Variants in C3orf70 observed in about 807,000 individuals in gnomAD.
The protein encoded by C3orf70 is chromosome 3 open reading frame 70.
C3orf70 carries 15 observed loss-of-function variants against 20.7 expected under a neutral mutation model. The ratio of observed to expected loss-of-function variants is 0.72; its 90% confidence interval spans 0.48 to 1.11. C3orf70 has a LOEUF of 1.11. Among genes scored for constraint, C3orf70 ranks in the 50% most tolerant of loss-of-function variants. The pLI, the probability that C3orf70 is intolerant of heterozygous loss-of-function variation, is 0.00. For missense variants in C3orf70, 332 were observed against 317.6 expected (o/e 1.05, Z -0.34); for synonymous variants, 161 against 125.7 (o/e 1.28, Z -1.88).
Position 185,095,990 on chromosome 3 carries a change from C to G in C3orf70, c.197-12427G>C, listed in dbSNP as rs986969597. On this transcript the variant is annotated intron_variant, in intron 1 of 1. Coordinates refer to ENST00000335012, the MANE Select transcript of C3orf70 (RefSeq NM_001025266.3). ...GACCTCATGATCCTCCTGCCTCGGC[C>G]TCCCAAAGTGCTGGGATTACAGGCG... Among the ~76,000 whole-genome samples the G allele has an allele frequency of 1.4e-4, 22 of 152,214 alleles. 1 individual carries two copies. The highest frequency in any genetic ancestry group is 4.3e-4 in the African/African-American group (18 of 41,520).
intron 1 of C3orf70, 80 bp downstream of exon 1, chr3:185,152,548 A>G: frequency 2.3e-6 from 3 of 1,297,492 alleles, no homozygotes; most frequent in Admixed American, 5.7e-5. Flanking sequence ...GCGGCCGCAG[A>G]GTTCCGGCAG....
intron 1 of C3orf70, among the ~76,000 whole-genome samples, chr3:185,087,285 AG>A (rs1385282200): frequency 6.6e-6 from 1 of 152,234 alleles, no homozygotes; most frequent in African/African-American, 2.4e-5. Context: ...AGAGAGCAAA[AG>A]GAGCATCAGT....
chr3:185,134,627 C>T (rs2108603605), intron 1 of C3orf70, among the ~76,000 whole-genome samples: 1 of 152,164 alleles, frequency 6.6e-6, no homozygotes, highest in African/African-American at 2.4e-5. Flanking sequence ...GAAGGAGCAA[C>T]CTAAAATGAC....
At position 185,079,047 on chromosome 3, in the gene C3orf70, C is replaced by G. The variant is rs993942644; in HGVS notation, c.*3960G>C. 2 of 151,938 alleles carry G rather than the reference C, an allele frequency of 1.3e-5. No individual in the cohort carries two copies. The highest frequency in any genetic ancestry group is 2.9e-5 in the Non-Finnish European group (2 of 68,012). 9.4% of individuals were successfully genotyped at this position (151,938 alleles called of 1,614,324 possible). A position where few individuals can be genotyped will look rare whatever the true frequency, so the allele number is the denominator to read the frequency against. ...CTGCAATCCCAGCACTTTGGGAAGC[C>G]GAGGAGGGTGGATCACGAGGTCATG... On this transcript the variant is annotated 3_prime_UTR_variant, in exon 2 of 2. Coordinates refer to ENST00000335012, the MANE Select transcript of C3orf70 (RefSeq NM_001025266.3).
chr3:185,113,914 A>G (rs916379588), intron 1 of C3orf70, among the ~76,000 whole-genome samples: 3 of 152,272 alleles, frequency 2.0e-5, no homozygotes, highest in African/African-American at 7.2e-5. Context: ...AAAATAACCA[A>G]ATGGGCCGGG....
In C3orf70 at chr3:185,152,893, G is replaced by A; in HGVS notation, c.-70C>T. On this transcript the variant is annotated 5_prime_UTR_variant, in exon 1 of 2. Coordinates refer to ENST00000335012, the MANE Select transcript of C3orf70 (RefSeq NM_001025266.3). ...GCGACGTCTGGGTGGGCAGGAAGCC[G>A]AGCCGGCTGCGGACGCGGGAGGGCG... The A allele has an allele frequency of 2.9e-6, 4 of 1,357,434 alleles. No individual in the cohort carries two copies. Among genetic ancestry groups the A allele is most frequent in the Non-Finnish European group, 3.8e-6 (4 of 1,043,900 alleles). 84.1% of individuals were successfully genotyped at this position (1,357,434 alleles called of 1,614,324 possible). A position where few individuals can be genotyped will look rare whatever the true frequency, so the allele number is the denominator to read the frequency against.
rs577916392 is a variant in C3orf70, at chr3:185,077,227, T to C, written c.*5780A>G. Among the ~76,000 whole-genome samples the C allele has an allele frequency of 2.6e-5, 4 of 152,214 alleles. No homozygotes were observed. The highest frequency in any genetic ancestry group is 2.1e-4 in the South Asian group (1 of 4,814). ...TGTGTTGGGACCAGGTGCACTGAGGTAGACGAGGCACTAGTCTGTGGGAAG... is the reference window on the plus strand; with the variant it reads ...TGTGTTGGGACCAGGTGCACTGAGGCAGACGAGGCACTAGTCTGTGGGAAG... On this transcript the variant is annotated 3_prime_UTR_variant, in exon 2 of 2. Coordinates refer to ENST00000335012, the MANE Select transcript of C3orf70 (RefSeq NM_001025266.3).
intron 1 of C3orf70, among the ~76,000 whole-genome samples, chr3:185,085,312 T>G (rs188080940): frequency 2.0e-5 from 3 of 152,212 alleles, no homozygotes; most frequent in Admixed American, 2.0e-4. Context: ...AGATTAGAAA[T>G]GAAGTAGTAA....
intron 1 of C3orf70, among the ~76,000 whole-genome samples, chr3:185,149,367 G>C (rs1000646617): frequency 5.3e-5 from 8 of 150,034 alleles, no homozygotes; most frequent in African/African-American, 2.0e-4. Context: ...ACTCCAGCCC[G>C]GGCAACAAGA....
chr3:185,082,841 G>GT lies in C3orf70; in HGVS notation c.*165dup. 1 of 659,862 alleles carries GT rather than the reference G, an allele frequency of 1.5e-6. No individual in the cohort carries two copies. The highest frequency in any genetic ancestry group is 2.6e-6 in the Non-Finnish European group (1 of 377,552). 40.9% of individuals were successfully genotyped at this position (659,862 alleles called of 1,614,324 possible). On this transcript the variant is annotated 3_prime_UTR_variant, in exon 2 of 2. Transcript: ENST00000335012. ...TTATAATAAAAAGAATGTCTTAGTT[G>GT]TAAGACGGAGAGAAGCTAATCAGCA...
At chr3:185,098,647 C>T (rs1166908724) in intron 1 of C3orf70, among the ~76,000 whole-genome samples, 2 of 152,142 alleles carry the variant, frequency 1.3e-5, no homozygotes, top group Non-Finnish European at 2.9e-5. Flanking sequence ...ATTCATATAT[C>T]ATACTGTCTG....
chr3:185,132,108 T>C (rs1716533527), intron 1 of C3orf70, among the ~76,000 whole-genome samples: 1 of 152,174 alleles, frequency 6.6e-6, no homozygotes, highest in Non-Finnish European at 1.5e-5. Context: ...TCCCTAGGCA[T>C]CTGGAGAAAA....
intron 1 of C3orf70, among the ~76,000 whole-genome samples, chr3:185,142,288 CT>C (rs1460171169): frequency 1.3e-5 from 2 of 152,084 alleles, no homozygotes; most frequent in Non-Finnish European, 2.9e-5. Context: ...TGAAACCCCC[CT>C]CTCTACAAAA....
chr3:185,100,537 C>A (rs1418150797), intron 1 of C3orf70, among the ~76,000 whole-genome samples: 8 of 152,042 alleles, frequency 5.3e-5, no homozygotes, highest in African/African-American at 1.9e-4. Context: ...TGGGACACAG[C>A]TAAGACAGTG....
intron 1 of C3orf70, among the ~76,000 whole-genome samples, chr3:185,094,498 G>T (rs1166755857): frequency 6.6e-6 from 1 of 152,138 alleles, no homozygotes. Context: ...CTATAACGTG[G>T]TAAGAGCAAA....
intron 1 of C3orf70, among the ~76,000 whole-genome samples, chr3:185,086,909 A>G (rs1715469687): frequency 6.6e-6 from 1 of 152,212 alleles, no homozygotes; most frequent in Admixed American, 6.5e-5. Context: ...TAAACACAGA[A>G]ATAATTAAAC....
intron 1 of C3orf70, among the ~76,000 whole-genome samples, chr3:185,114,572 T>C (rs1716138892): frequency 6.6e-6 from 1 of 152,196 alleles, no homozygotes; most frequent in African/African-American, 2.4e-5. Flanking sequence ...TGAATGTAAA[T>C]GAAAGCACCT....
intron 1 of C3orf70, among the ~76,000 whole-genome samples, chr3:185,109,466 T>C (rs897439703): frequency 6.6e-6 from 1 of 152,258 alleles, no homozygotes; most frequent in South Asian, 2.1e-4. Context: ...GTTGCAGCCA[T>C]GTCGAGGCTG....
chr3:185,119,380 C>T lies in C3orf70; in HGVS notation c.196+33248G>A, dbSNP rs115501092. Among the ~76,000 whole-genome samples the T allele has an allele frequency of 7.4e-3, 1,122 of 152,174 alleles. 21 individuals carry two copies. The highest frequency in any genetic ancestry group is 0.026 in the African/African-American group (1,069 of 41,494). ...AATTTGTGCTAAGAGAAGCCGGGCG[C>T]GGTGGTTCACGCCTGTAATCCCGGC... On this transcript the variant is annotated intron_variant, in intron 1 of 1. Transcript: ENST00000335012.
Sources: allele counts gnomAD v4.1 joint callset (sites outside exome capture counted in the v4.1 genomes callset), GRCh38; gene constraint gnomAD v4.1.1; transcripts MANE v1.5; gene names NCBI Gene and HGNC (gene_info 2026-07-23, HGNC 2026-07-21).